SNX13: variants seen among roughly 807,000 people sequenced by gnomAD.
SNX13 encodes sorting nexin 13.
Under a neutral mutation model 133.6 loss-of-function variants are expected in SNX13, and 45 were observed. The ratio of observed to expected loss-of-function variants is 0.34; its 90% CI spans 0.27 to 0.43. SNX13 has a LOEUF of 0.43. Among genes scored for constraint, SNX13 ranks in the 20% least tolerant of loss-of-function variants. SNX13 has a pLI of 1.00. For missense variants in SNX13, 1,032 were observed against 1,145.1 expected (o/e 0.90, Z 1.43); for synonymous variants, 414 against 373.9 (o/e 1.11, Z -1.24).
At chr7:17,886,073 G>A (rs981714837) in intron 5 of SNX13, among the ~76,000 whole-genome samples, 5 of 152,180 alleles carry the variant, frequency 3.3e-5, no homozygotes, top group African/African-American at 1.2e-4. Flanking sequence ...TTTAACAAGT[G>A]TAGGGATATA....
At chr7:17,919,476 T>C (rs982186992) in intron 1 of SNX13, among the ~76,000 whole-genome samples, 7 of 152,188 alleles carry the variant, frequency 4.6e-5, no homozygotes, top group Admixed American at 1.3e-4. Flanking sequence ...GAAATAATTT[T>C]GGTTAGAAAT....
intron 3 of SNX13, 43 bp from the exon 4 acceptor site, chr7:17,891,678 T>C (rs369431737): frequency 7.2e-6 from 10 of 1,396,262 alleles, no homozygotes; most frequent in Admixed American, 1.8e-5. Flanking sequence ...TTTTCTGATG[T>C]AAAATCTCTC....
chr7:17,869,119 C>A (rs1222337257), intron 8 of SNX13, among the ~76,000 whole-genome samples: 1 of 152,030 alleles, frequency 6.6e-6, no homozygotes, highest in East Asian at 1.9e-4. Flanking sequence ...GAATCAATTA[C>A]CCTATTAAAT....
At chr7:17,866,178 G>C (rs375741149) in intron 9 of SNX13, among the ~76,000 whole-genome samples, 1 of 151,904 alleles carries the variant, frequency 6.6e-6, no homozygotes, top group African/African-American at 2.4e-5. Context: ...CACAGCAAAG[G>C]GAATGATCAA....
intron 5 of SNX13, among the ~76,000 whole-genome samples, chr7:17,876,181 A>C (rs1166507534): frequency 6.6e-6 from 1 of 152,246 alleles, no homozygotes; most frequent in African/African-American, 2.4e-5. Flanking sequence ...AGAGCATTTC[A>C]AACATTTCTT....
chr7:17,902,242 GTTTTTT>G (rs71010277), intron 1 of SNX13, among the ~76,000 whole-genome samples: 2 of 120,360 alleles, frequency 1.7e-5, no homozygotes, highest in Non-Finnish European at 1.7e-5. Context: ...TACTGTCATG[GTTTTTT>G]TTTTTTTTTT....
chr7:17,821,088 T>C (rs1275994557), intron 18 of SNX13, among the ~76,000 whole-genome samples: 1 of 152,160 alleles, frequency 6.6e-6, no homozygotes, highest in Non-Finnish European at 1.5e-5. Flanking sequence ...CATTTCACTG[T>C]TACACTGCTG....
chr7:17,827,904 A>G (rs1788084589), intron 16 of SNX13, among the ~76,000 whole-genome samples: 2 of 151,880 alleles, frequency 1.3e-5, no homozygotes, highest in African/African-American at 4.8e-5. Flanking sequence ...CCAAATTCAT[A>G]TTATCTACTA....
intron 1 of SNX13, among the ~76,000 whole-genome samples, chr7:17,898,638 G>A (rs1026417876): frequency 6.6e-6 from 1 of 152,016 alleles, no homozygotes; most frequent in Non-Finnish European, 1.5e-5. Flanking sequence ...AGAAAATTAA[G>A]TAAATATATA....
intron 9 of SNX13, among the ~76,000 whole-genome samples, chr7:17,861,509 T>C (rs1040113225): frequency 1.3e-5 from 2 of 151,914 alleles, no homozygotes. Context: ...CCCAAACAGA[T>C]AAAAACACTT....
chr7:17,867,485 G>A (rs1040045347), intron 9 of SNX13, among the ~76,000 whole-genome samples: 8 of 151,920 alleles, frequency 5.3e-5, no homozygotes, highest in African/African-American at 1.7e-4. Context: ...GTGCATGCCT[G>A]TGTCCCAGCT....
At chr7:17,860,890 G>A (rs1269306348) in intron 9 of SNX13, among the ~76,000 whole-genome samples, 1 of 152,176 alleles carries the variant, frequency 6.6e-6, no homozygotes, top group Non-Finnish European at 1.5e-5. Context: ...AATCAGGAAG[G>A]GTGAGGTGCA....
At chr7:17,915,408 T>G (rs1330345532) in intron 1 of SNX13, among the ~76,000 whole-genome samples, 1 of 152,198 alleles carries the variant, frequency 6.6e-6, no homozygotes, top group Non-Finnish European at 1.5e-5. Flanking sequence ...GAAATGTGGA[T>G]AAACCTAAGT....
intron 16 of SNX13, among the ~76,000 whole-genome samples, chr7:17,827,433 T>A (rs1339453689): frequency 1.3e-5 from 2 of 152,048 alleles, no homozygotes; most frequent in African/African-American, 2.4e-5. Context: ...AAGGGTCATC[T>A]AAATGACTTA....
chr7:17,897,762 A>G (rs537125896), intron 1 of SNX13: 58 of 171,212 alleles, frequency 3.4e-4, no homozygotes, highest in Non-Finnish European at 5.4e-4. Context: ...GAAATACAAC[A>G]AAGTATGTAC....
chr7:17,850,781 A>G (rs1260320482), intron 10 of SNX13, 45 bp downstream of exon 10: 1 of 1,373,024 alleles, frequency 7.3e-7, no homozygotes, highest in Non-Finnish European at 9.5e-7. Context: ...TGAAGATAAA[A>G]TAATACTTCA....
At chr7:17,819,039 C>T (rs1292402956) in intron 18 of SNX13, among the ~76,000 whole-genome samples, 1 of 152,114 alleles carries the variant, frequency 6.6e-6, no homozygotes, top group East Asian at 1.9e-4. Flanking sequence ...ATGTTGCTAG[C>T]ATCAAGAAAA....
chr7:17,898,660 C>T (rs2691555), intron 1 of SNX13, among the ~76,000 whole-genome samples: 92,007 of 151,910 alleles, frequency 0.61, 29,181 homozygotes, highest in African/African-American at 0.8. Context: ...TTATATCACA[C>T]GGGGATAAGT....
chr7:17,940,271 C>G lies in SNX13; in HGVS notation c.12+13G>C, dbSNP rs1019061457. 9 of 1,559,214 alleles carry G rather than the reference C, an allele frequency of 5.8e-6. No homozygotes were observed. The African/African-American group carries it at 1.1e-4, about 19-fold the overall frequency. On this transcript the variant is annotated intron_variant, in intron 1 of 25. Transcript: ENST00000428135. ...CATTTCACAGGTAAACACTGGCCAC[C>G]GTCGCCGCTTACCTCAGTTAACATT...
Sources: gnomAD v4.1 joint callset for allele counts (sites outside exome capture counted in the v4.1 genomes callset) on GRCh38, gnomAD v4.1.1 for gene constraint, MANE v1.5 for transcripts, NCBI Gene and HGNC (gene_info 2026-07-23, HGNC 2026-07-21) for gene names.